CBFA2T3: variants seen among roughly 807,000 people sequenced by gnomAD.
CBFA2T3 encodes CBFA2/RUNX1 partner transcriptional co-repressor 3, also known as transcriptional corepressor CBFA2T3.
A neutral mutation model predicts 58.6 loss-of-function variants in CBFA2T3; 31 were observed. The ratio of observed to expected loss-of-function variants is 0.53; its 90% confidence interval spans 0.40 to 0.71. The LOEUF (loss-of-function observed/expected upper bound fraction) is 0.71, where lower values mean the gene tolerates loss of function less well. Ranked by LOEUF, CBFA2T3 falls within the 30% of genes least tolerant of loss-of-function variation. CBFA2T3 has a pLI of 0.00. For synonymous variants in CBFA2T3, 531 were observed against 421.9 expected (o/e 1.26, Z -3.17); for missense variants, 1,076 against 963.1 (o/e 1.12, Z -1.55).
chr16:88,877,062 C>T lies in CBFA2T3; in HGVS notation c.1876G>A (p.Ala626Thr), dbSNP rs1344579594. The part of the protein sequence containing the change: ...SLGPSLPVGA[A>T]SPSEAGSAGP... ...GCAGAGCCGGCTTCGCTGGGGCTGG[C>T]AGCACCCACAGGCAGGGAGGGGCCC... is the stretch of plus-strand genomic sequence containing the variant. Residue 626 changes from alanine (A) to threonine (T), a missense_variant, in exon 12 of 12, where the codon GCC (alanine) becomes ACC (threonine). Ala to Thr is a moderately conservative substitution (Grantham distance 58). Transcript: ENST00000268679. 16 of 1,525,934 alleles carry T rather than the reference C, an allele frequency of 1.0e-5. No homozygotes were observed. The highest frequency in any genetic ancestry group is 1.3e-5 in the Non-Finnish European group (15 of 1,134,930). The allele number at this position is 1,525,934 out of a possible 1,614,324, so 94.5% of individuals were successfully genotyped here.
intron 1 of CBFA2T3, among the ~76,000 whole-genome samples, chr16:88,959,064 G>A (rs552067174): frequency 6.6e-6 from 1 of 152,228 alleles, no homozygotes; most frequent in Non-Finnish European, 1.5e-5. Context: ...GGGGAACAGA[G>A]AGGAAGCCCC....
chr16:88,901,474 G>C (rs776332999), intron 2 of CBFA2T3, 30 bp downstream of exon 2: 18 of 1,322,434 alleles, frequency 1.4e-5, no homozygotes, highest in Middle Eastern at 2.4e-4. Flanking sequence ...GAAACACCTG[G>C]CCCTCGGCTG....
intron 1 of CBFA2T3, among the ~76,000 whole-genome samples, chr16:88,955,917 C>T (rs1376046778): frequency 8.2e-5 from 12 of 146,734 alleles, no homozygotes; most frequent in African/African-American, 3.1e-4. Flanking sequence ...GCTCCTGACC[C>T]CAGCCAAGGC....
intron 2 of CBFA2T3, 40 bp from the exon 3 acceptor site, chr16:88,898,192 G>A (rs369151328): frequency 9.5e-5 from 142 of 1,494,248 alleles, no homozygotes; most frequent in Middle Eastern, 3.8e-4. Flanking sequence ...CAGGAGGGGC[G>A]TGGGCAGGAG....
At chr16:88,968,232 C>T (rs1426858462) in intron 1 of CBFA2T3, among the ~76,000 whole-genome samples, 2 of 152,306 alleles carry the variant, frequency 1.3e-5, no homozygotes, top group Admixed American at 6.5e-5. Context: ...CAGGACTGCC[C>T]GTCCCAGCTG....
At chr16:88,893,178 C>G (rs964744102) in intron 3 of CBFA2T3, among the ~76,000 whole-genome samples, 3 of 151,842 alleles carry the variant, frequency 2.0e-5, no homozygotes, top group Non-Finnish European at 2.9e-5. Context: ...CAGCCCTGAG[C>G]AATGTCCCCA....
Position 88,885,070 on chromosome 16 carries a change from G to A in CBFA2T3, c.1093C>T (p.Leu365=), listed in dbSNP as rs1969304234. Residue 365 remains leucine (L), a synonymous_variant, in exon 7 of 12, where the codon CTA becomes TTA. Transcript: ENST00000268679. This position sits in a 1 kb window ranked among gnomAD's most constrained non-coding sequence, Gnocchi z 5.3. ...DAYRHPDPRE[L]RERHRPLVVP... ...CCAAGCGGCCGATGGCGCTCTCGTA[G>A]CTCCCGGGGGTCTGGGTGGCGGTAG... The A allele has an allele frequency of 1.2e-6, 2 of 1,600,770 alleles. No individual in the cohort carries two copies. Among genetic ancestry groups the A allele is most frequent in the African/African-American group, 1.3e-5 (1 of 74,956 alleles).
intron 1 of CBFA2T3, among the ~76,000 whole-genome samples, chr16:88,907,836 C>T (rs1436854928): frequency 2.6e-5 from 4 of 152,264 alleles, no homozygotes; most frequent in African/African-American, 4.8e-5. Flanking sequence ...CTCGATGGCT[C>T]AGGCACTGGC....
rs372302274 is a variant in CBFA2T3, at chr16:88,875,622, G to A, written c.*1354C>T. The A allele has an allele frequency of 5.6e-5, 13 of 233,792 alleles. No homozygotes were observed. The highest frequency in any genetic ancestry group is 5.4e-4 in the East Asian group (9 of 16,588). The allele number at this position is 233,792 out of a possible 1,614,324, so 14.5% of individuals were successfully genotyped here. A position where few individuals can be genotyped will look rare whatever the true frequency, so the allele number is the denominator to read the frequency against. ...GGGGCTGAGAGAGGTCGGAGCTGGG[G>A]TGAGGGGGCCGAGAGAGGTCGGAGG... On this transcript the variant is annotated 3_prime_UTR_variant, in exon 12 of 12. Transcript: ENST00000268679.
intron 1 of CBFA2T3, among the ~76,000 whole-genome samples, chr16:88,963,161 C>T (rs541375029): frequency 1.1e-4 from 17 of 151,952 alleles, no homozygotes; most frequent in Admixed American, 4.6e-4. Context: ...GGCCCAGGGC[C>T]GGAGGGAGAG....
chr16:88,914,253 A>G (rs1020525840), intron 1 of CBFA2T3, among the ~76,000 whole-genome samples: 2 of 152,240 alleles, frequency 1.3e-5, no homozygotes, highest in African/African-American at 4.8e-5. Flanking sequence ...GCTAGAGGTC[A>G]GGAATGGTGG....
At chr16:88,889,011 G>A (rs1969514432) in intron 5 of CBFA2T3, among the ~76,000 whole-genome samples, 1 of 151,976 alleles carries the variant, frequency 6.6e-6, no homozygotes, top group Non-Finnish European at 1.5e-5. Context: ...GGGCAAGGGT[G>A]GGGATGCTGC....
intron 1 of CBFA2T3, among the ~76,000 whole-genome samples, chr16:88,973,834 T>C (rs1204218393): frequency 6.6e-6 from 1 of 152,136 alleles, no homozygotes. Flanking sequence ...TCAAGCTTCC[T>C]GCACGGATGG....
At chr16:88,894,462 GCATA>G (rs1181186281) in intron 3 of CBFA2T3, among the ~76,000 whole-genome samples, 2 of 120,666 alleles carry the variant, frequency 1.7e-5, no homozygotes. Flanking sequence ...ACGCACACAT[GCATA>G]CATATACACA....
intron 1 of CBFA2T3, among the ~76,000 whole-genome samples, chr16:88,974,360 C>T (rs372611212): frequency 1.3e-4 from 20 of 152,196 alleles, no homozygotes; most frequent in Middle Eastern, 3.4e-3. Context: ...AGACCCTCCG[C>T]GTGAGGGGGC....
chr16:88,891,782 C>A, intron 5 of CBFA2T3, 100 bp downstream of exon 5: 2 of 809,452 alleles, frequency 2.5e-6, no homozygotes, highest in Non-Finnish European at 2.0e-6. Flanking sequence ...GCCACTTAAG[C>A]CCCTTCCCGC....
rs62045796 is a variant in CBFA2T3 at position 88,924,078 on chromosome 16, G to A, written c.152-22422C>T. On this transcript the variant is annotated intron_variant, in intron 1 of 11. Coordinates refer to ENST00000268679, the MANE Select transcript of CBFA2T3 (RefSeq NM_005187.6). ...AGGCAAGGTCACAGCAACCCAGCCA[G>A]GGCTAAAGCAAGGAGCCAGGGTGGG... 6.2e-3 allele frequency among the ~76,000 whole-genome samples: 941 copies of A among 152,316 alleles called. 8 individuals are homozygous for A. The highest frequency in any genetic ancestry group is 0.034 in the South Asian group (163 of 4,828).
chr16:88,969,650 G>A (rs535439412), intron 1 of CBFA2T3, among the ~76,000 whole-genome samples: 3 of 152,356 alleles, frequency 2.0e-5, no homozygotes, highest in Admixed American at 6.5e-5. Flanking sequence ...GGGCGGGGCC[G>A]GCCTGACGAC....
chr16:88,924,746 G>A (rs928314852), intron 1 of CBFA2T3, among the ~76,000 whole-genome samples: 3 of 152,212 alleles, frequency 2.0e-5, no homozygotes, highest in African/African-American at 4.8e-5. Context: ...CTGGCCGGAC[G>A]CGGCGGGGAC....
Sources: gnomAD v4.1 joint callset for allele counts (sites outside exome capture counted in the v4.1 genomes callset) on GRCh38, gnomAD v4.1.1 for gene constraint, Gnocchi (gnomAD v3.1) non-coding constraint, MANE v1.5 for transcripts, NCBI Gene and HGNC (gene_info 2026-07-23, HGNC 2026-07-21) for gene names.